Variants in RASAL2 observed in about 807,000 individuals in gnomAD.
RASAL2 encodes RAS protein activator like 2.
Under a neutral mutation model 128.9 loss-of-function variants are expected in RASAL2, and 58 were observed. That is an observed-to-expected ratio of 0.45 (90% confidence interval 0.36 to 0.56). The LOEUF (loss-of-function observed/expected upper bound fraction) is 0.56, where lower values mean the gene tolerates loss of function less well. Among genes scored for constraint, RASAL2 ranks in the 20% least tolerant of loss-of-function variants. RASAL2 has a pLI of 0.00. For synonymous variants in RASAL2, 561 were observed against 580.8 expected (o/e 0.97, Z 0.49); for missense variants, 1,360 against 1,601.6 (o/e 0.85, Z 2.57).
intron 1 of RASAL2, among the ~76,000 whole-genome samples, chr1:178,215,451 A>G (rs1214352313): frequency 1.3e-5 from 2 of 152,256 alleles, no homozygotes; most frequent in Non-Finnish European, 2.9e-5. Context: ...TGAATACTCC[A>G]TTGGACCTTA....
intron 1 of RASAL2, among the ~76,000 whole-genome samples, chr1:178,217,522 C>T (rs1007026396): frequency 3.3e-5 from 5 of 152,178 alleles, no homozygotes; most frequent in African/African-American, 1.2e-4. Flanking sequence ...TACAGGCATA[C>T]TGCAGATATT....
At chr1:178,328,386 A>T (rs1211904842) in intron 3 of RASAL2, among the ~76,000 whole-genome samples, 1 of 152,214 alleles carries the variant, frequency 6.6e-6, no homozygotes, top group African/African-American at 2.4e-5. Context: ...CACCTCAAGC[A>T]TTAATCATTT....
At chr1:178,103,727 T>C (rs1381458101) in intron 1 of RASAL2, among the ~76,000 whole-genome samples, 1 of 152,084 alleles carries the variant, frequency 6.6e-6, no homozygotes, top group Non-Finnish European at 1.5e-5. Context: ...TAGGAACTAT[T>C]AGTATATTAA....
At position 178,380,441 on chromosome 1, in the gene RASAL2, A is replaced by C. The variant is rs547619727; in HGVS notation, c.458-9659A>C. Reference sequence around the variant, plus strand: ...ATGTGTGAGTTAGAGGTAACTAGAAAATTTATTAATTTATTTTGTATTAAA... The same window carrying C: ...ATGTGTGAGTTAGAGGTAACTAGAACATTTATTAATTTATTTTGTATTAAA... On this transcript the variant is annotated intron_variant, in intron 3 of 17. Coordinates refer to ENST00000367649, the MANE Select transcript of RASAL2 (RefSeq NM_170692.4). Among the ~76,000 whole-genome samples the C allele has an allele frequency of 3.3e-5, 5 of 152,192 alleles. No individual in the cohort carries two copies. In the East Asian group the frequency reaches 9.6e-4, roughly 29 times the overall value.
intron 1 of RASAL2, among the ~76,000 whole-genome samples, chr1:178,141,773 G>A (rs1471454293): frequency 1.3e-5 from 2 of 152,094 alleles, no homozygotes; most frequent in Non-Finnish European, 2.9e-5. Flanking sequence ...TTTGAAGAAC[G>A]ATGTGTTGTT....
At chr1:178,235,108 G>C (rs560520058) in intron 1 of RASAL2, among the ~76,000 whole-genome samples, 12 of 152,108 alleles carry the variant, frequency 7.9e-5, no homozygotes, top group African/African-American at 2.9e-4. Context: ...TAAAATTTTT[G>C]AAAGACTTGG....
intron 1 of RASAL2, among the ~76,000 whole-genome samples, chr1:178,206,166 C>T (rs6685012): frequency 1.4e-4 from 22 of 151,876 alleles, no homozygotes; most frequent in African/African-American, 3.9e-4. Flanking sequence ...CATCTTGAGA[C>T]GAAAGTTTCA....
At position 178,350,072 on chromosome 1, in the gene RASAL2, A is replaced by G. The variant is rs556121945; in HGVS notation, c.458-40028A>G. On this transcript the variant is annotated intron_variant, in intron 3 of 17. Transcript: ENST00000367649. ...TTTATTTCTGGATTCTTCTAGAGCAATCTTCTTCACTAGTTCTTTCATATC... is the reference window on the plus strand; with the variant it reads ...TTTATTTCTGGATTCTTCTAGAGCAGTCTTCTTCACTAGTTCTTTCATATC... 7.9e-5 allele frequency among the ~76,000 whole-genome samples: 12 copies of G among 152,308 alleles called. No individual in the cohort carries two copies. The East Asian group carries it at 1.4e-3, about 17-fold the overall frequency.
chr1:178,247,808 A>T (rs1208430914), intron 1 of RASAL2, among the ~76,000 whole-genome samples: 4 of 151,936 alleles, frequency 2.6e-5, no homozygotes, highest in African/African-American at 9.7e-5. Context: ...CGTTATCTCT[A>T]CCTTAATTTC....
At position 178,285,297 on chromosome 1, in the gene RASAL2, T is replaced by G. The variant is rs540718692; in HGVS notation, c.330+1606T>G. On this transcript the variant is annotated intron_variant, in intron 2 of 17. Coordinates refer to ENST00000367649, the MANE Select transcript of RASAL2 (RefSeq NM_170692.4). ...CACCGCGCCCGGCTAATTTTTTGTA[T>G]TTTTAGTAGAGACGGGGTTTCACCT... Among the ~76,000 whole-genome samples, 1,007 of 151,206 alleles carry G rather than the reference T, an allele frequency of 6.7e-3. 9 individuals are homozygous for G. Among genetic ancestry groups the G allele is most frequent in the Non-Finnish European group, 0.011 (740 of 67,778 alleles).
At chr1:178,275,799 C>T (rs1428076558) in intron 1 of RASAL2, among the ~76,000 whole-genome samples, 2 of 152,292 alleles carry the variant, frequency 1.3e-5, no homozygotes, top group East Asian at 3.9e-4. Context: ...CTCTTTCCTG[C>T]TCTCTCCTTC....
At chr1:178,454,196 T>TAAA (rs56786408) in intron 11 of RASAL2, among the ~76,000 whole-genome samples, 16 of 80,214 alleles carry the variant, frequency 2.0e-4, no homozygotes, top group Non-Finnish European at 2.5e-4. Flanking sequence ...ATCCCAGAAC[T>TAAA]AAAAAAAAAA....
At chr1:178,133,667 T>C (rs1463241893) in intron 1 of RASAL2, among the ~76,000 whole-genome samples, 1 of 152,154 alleles carries the variant, frequency 6.6e-6, no homozygotes, top group Non-Finnish European at 1.5e-5. Flanking sequence ...TTAGGGCTCT[T>C]GCCCTGCTCC....
chr1:178,287,506 G>C (rs898056129), intron 2 of RASAL2, among the ~76,000 whole-genome samples: 1 of 151,676 alleles, frequency 6.6e-6, no homozygotes, highest in East Asian at 1.9e-4. Context: ...AGGAAAATAA[G>C]TCGTTATATA....
At chr1:178,453,263 C>T (rs73037545) in intron 11 of RASAL2, among the ~76,000 whole-genome samples, 3,297 of 151,774 alleles carry the variant, frequency 0.022, 109 homozygotes, top group African/African-American at 0.072. Flanking sequence ...TAAGATAATT[C>T]GTGAATAATG....
chr1:178,207,298 G>C (rs1209153787), intron 1 of RASAL2, among the ~76,000 whole-genome samples: 1 of 152,076 alleles, frequency 6.6e-6, no homozygotes, highest in Non-Finnish European at 1.5e-5. Flanking sequence ...TTTGTCCTCT[G>C]TATCCTCAGG....
At chr1:178,385,133 T>C (rs1175475434) in intron 3 of RASAL2, among the ~76,000 whole-genome samples, 1 of 152,230 alleles carries the variant, frequency 6.6e-6, no homozygotes, top group Non-Finnish European at 1.5e-5. Context: ...ATTTATTCTG[T>C]ATCACATTCA....
At chr1:178,101,861 G>C (rs1338120378) in intron 1 of RASAL2, among the ~76,000 whole-genome samples, 2 of 152,164 alleles carry the variant, frequency 1.3e-5, no homozygotes, top group African/African-American at 2.4e-5. Context: ...AAACTCGACA[G>C]TGAGAAATAC....
intron 17 of RASAL2, 128 bp from the exon 18 acceptor site, chr1:178,472,947 G>A (rs1648405923): frequency 3.7e-6 from 4 of 1,067,556 alleles, no homozygotes; most frequent in South Asian, 3.1e-5. Context: ...AGGCAGAGAC[G>A]TTCCATTTGT....
Sources: gnomAD v4.1 joint callset for allele counts (sites outside exome capture counted in the v4.1 genomes callset) on GRCh38, gnomAD v4.1.1 for gene constraint, MANE v1.5 for transcripts, NCBI Gene and HGNC (gene_info 2026-07-23, HGNC 2026-07-21) for gene names.